Variants in ATP5F1B observed in about 807,000 individuals in gnomAD.
ATP5F1B encodes the protein ATP synthase F(1) complex subunit beta, mitochondrial.
In ATP5F1B, 17 loss-of-function variants were observed where a neutral mutation model predicts 45.9. The observed-to-expected ratio is 0.37, with a 90% CI of 0.25 to 0.56. The LOEUF (loss-of-function observed/expected upper bound fraction) is 0.56, where lower values mean the gene tolerates loss of function less well. Ranked by LOEUF, ATP5F1B falls within the 20% of genes least tolerant of loss-of-function variation. ATP5F1B has a pLI of 0.80. For synonymous variants in ATP5F1B, 218 were observed against 256.5 expected, an observed-to-expected ratio of 0.85 and a Z score of 1.43; for missense variants, 387 against 673.2, an observed-to-expected ratio of 0.57 and a Z score of 4.70.
chr12:56,639,329 A>G, intron 8 of ATP5F1B, 22 bp from the exon 9 acceptor site: 1 of 1,602,716 alleles, frequency 6.2e-7, no homozygotes, highest in Non-Finnish European at 8.5e-7. Context: ...AAGAAGACTG[A>G]GTTAAGTATT....
At chr12:56,642,383 T>G in intron 7 of ATP5F1B, 75 bp downstream of exon 7, 1 of 1,587,434 alleles carries the variant, frequency 6.3e-7, no homozygotes, top group East Asian at 2.2e-5. Flanking sequence ...TGCCTCAGCC[T>G]CCTCAGTAGC....
At chr12:56,639,811 G>A (rs532939297) in intron 8 of ATP5F1B, 169 bp downstream of exon 8, 64 of 622,962 alleles carry the variant, frequency 1.0e-4, no homozygotes, top group African/African-American at 8.0e-4. Flanking sequence ...ATTCCAAAGC[G>A]TTAAGTACCT....
At chr12:56,643,641 C>T (rs1255654206) in intron 4 of ATP5F1B, 54 bp from the exon 5 acceptor site, 1 of 1,606,410 alleles carries the variant, frequency 6.2e-7, no homozygotes, top group Admixed American at 1.7e-5. Flanking sequence ...CCTAAATAAG[C>T]AAACTTCAAA....
At chr12:56,644,703 GAGA>G in intron 3 of ATP5F1B, 75 bp downstream of exon 3, 1 of 1,464,198 alleles carries the variant, frequency 6.8e-7, no homozygotes. Flanking sequence ...TCTGCTTTAG[GAGA>G]ACATGTCACC....
Position 56,642,439 on chromosome 12 carries a change from T to C in ATP5F1B, c.1074+19A>G. The C allele has an allele frequency of 1.9e-6, 3 of 1,613,178 alleles. No homozygotes were observed. Among genetic ancestry groups the C allele is most frequent in the East Asian group, 2.2e-5 (1 of 44,872 alleles). On this transcript the variant is annotated intron_variant, in intron 7 of 9. Coordinates refer to ENST00000262030, the MANE Select transcript of ATP5F1B (RefSeq NM_001686.4). The stretch of plus-strand genomic sequence containing the variant: ...TGCCTTTATACAAATCAGATCTTCA[T>C]CTATGTAATTTTTCTTACCTGTACA...
rs777306040 is a variant in ATP5F1B at position 56,643,735 on chromosome 12, G to A, written c.607+102C>T. ...AACTCAGAAGAACGAAAGTCAGAAC[G>A]TACTCATCAGTGAGGAATAGATGTC... On this transcript the variant is annotated intron_variant, in intron 4 of 9. Coordinates refer to ENST00000262030, the MANE Select transcript of ATP5F1B (RefSeq NM_001686.4). 35 of 1,575,286 alleles carry A rather than the reference G, an allele frequency of 2.2e-5. No homozygotes were observed. In the Admixed American group the frequency reaches 4.3e-4, roughly 20 times the overall value.
At chr12:56,641,793 C>T (rs541164484) in intron 7 of ATP5F1B, among the ~76,000 whole-genome samples, 4 of 151,888 alleles carry the variant, frequency 2.6e-5, no homozygotes, top group Non-Finnish European at 4.4e-5. Flanking sequence ...CCTCATGATC[C>T]GCCTGCCTTG....
intron 3 of ATP5F1B, 121 bp downstream of exon 3, chr12:56,644,660 G>A (rs2137547420): frequency 9.2e-7 from 1 of 1,092,460 alleles, no homozygotes; most frequent in Non-Finnish European, 1.3e-6. Context: ...TGCACTGTGT[G>A]ATTTTAATAA....
chr12:56,639,520 T>A, intron 8 of ATP5F1B: 2 of 554,802 alleles, frequency 3.6e-6, no homozygotes, highest in Non-Finnish European at 6.4e-6. Flanking sequence ...ACGTCTGTAA[T>A]CCCACCACTT....
rs763165017 is a variant in ATP5F1B at position 56,643,760 on chromosome 12, C to G, written c.607+77G>C. 9 of 1,594,184 alleles carry G rather than the reference C, an allele frequency of 5.6e-6. No homozygotes were observed. In the African/African-American group the frequency reaches 1.1e-4, roughly 19 times the overall value. ...GTACTCATCAGTGAGGAATAGATGT[C>G]AATATCCACTCATAACATTGTATGA... is the stretch of plus-strand genomic sequence containing the variant. On this transcript the variant is annotated intron_variant, in intron 4 of 9. Coordinates refer to ENST00000262030, the MANE Select transcript of ATP5F1B (RefSeq NM_001686.4).
chr12:56,643,677 A>G, intron 4 of ATP5F1B, 90 bp from the exon 5 acceptor site: 7 of 1,586,888 alleles, frequency 4.4e-6, no homozygotes, highest in Non-Finnish European at 5.2e-6. Context: ...CTTCCATCCT[A>G]TTCCTTCTCA....
chr12:56,644,053 C>T (rs1592645629), intron 3 of ATP5F1B, 95 bp from the exon 4 acceptor site: 1 of 1,436,620 alleles, frequency 7.0e-7, no homozygotes, highest in African/African-American at 1.4e-5. Flanking sequence ...AAGTCCATCC[C>T]TTTACCTGAG....
chr12:56,643,026 A>G, intron 5 of ATP5F1B, 195 bp from the exon 6 acceptor site: 1 of 605,762 alleles, frequency 1.7e-6, no homozygotes. Flanking sequence ...AGGCAAAACT[A>G]TAGTAGAAAG....
chr12:56,643,882 T>C lies in ATP5F1B; in HGVS notation c.562A>G (p.Lys188Glu). ...VEQEILVTGI[K>E]VVDLLAPYAK... ...TAGGGAGCTAGCAGATCGACAACCT[T>C]GATACCAGTCACCAGAATTTCCTGC... Residue 188 changes from lysine to glutamate, a missense_variant, in exon 4 of 10, where the codon AAG (lysine) becomes GAG (glutamate). Physicochemically the swap from Lys to Glu is moderately conservative, Grantham distance 56 (BLOSUM62 1). Around this residue, in one of 6 missense-constraint regions of ATP5F1B, gnomAD observed 8 missense variants for 21.1 expected, o/e 0.38. Transcript: ENST00000262030. 1 of 1,614,164 alleles carries C rather than the reference T, an allele frequency of 6.2e-7. No individual in the cohort carries two copies. Among genetic ancestry groups the C allele is most frequent in the Non-Finnish European group, 8.5e-7 (1 of 1,180,036 alleles).
At chr12:56,638,986 A>C in intron 9 of ATP5F1B, 120 bp downstream of exon 9, 1 of 920,310 alleles carries the variant, frequency 1.1e-6, no homozygotes, top group South Asian at 1.7e-5. Flanking sequence ...ATCAATGGGT[A>C]AGTTTGTTTT....
chr12:56,644,546 G>T (rs543565170), intron 3 of ATP5F1B, among the ~76,000 whole-genome samples: 1 of 152,206 alleles, frequency 6.6e-6, no homozygotes, highest in Non-Finnish European at 1.5e-5. Context: ...AGGAGGTGGA[G>T]GTTGCAGTGA....
At position 56,645,094 on chromosome 12, in the gene ATP5F1B, A is replaced by G. The variant is rs913007502; in HGVS notation, c.310+77T>C. The stretch of plus-strand genomic sequence containing the variant: ...CGAAAGTCATTTTGATAAAATCATC[A>G]TAGAAGGCAGACAGCTTGGTTTTGG... On this transcript the variant is annotated intron_variant, in intron 2 of 9. Coordinates refer to ENST00000262030, the MANE Select transcript of ATP5F1B (RefSeq NM_001686.4). 3.7e-6 allele frequency: 6 copies of G among 1,607,364 alleles called. No individual in the cohort carries two copies. In the African/African-American group the frequency reaches 6.7e-5, roughly 18 times the overall value.
At chr12:56,645,398 A>G in intron 1 of ATP5F1B, 45 bp from the exon 2 acceptor site, 2 of 1,572,272 alleles carry the variant, frequency 1.3e-6, no homozygotes, top group Non-Finnish European at 8.6e-7. Flanking sequence ...CAGGCCAGTT[A>G]AAGGTCATCG....
intron 2 of ATP5F1B, 59 bp downstream of exon 2, chr12:56,645,112 G>T: frequency 6.2e-7 from 1 of 1,609,754 alleles, no homozygotes; most frequent in Non-Finnish European, 8.5e-7. Flanking sequence ...CAGACAGCTT[G>T]GTTTTGGGGA....
Sources: gnomAD v4.1 joint callset for allele counts (sites outside exome capture counted in the v4.1 genomes callset) on GRCh38, gnomAD v4.1.1 for gene constraint, gnomAD v4.1.1 regional missense constraint, MANE v1.5 for transcripts, NCBI Gene and HGNC (gene_info 2026-07-23, HGNC 2026-07-21) for gene names.